The following ZNF236 variants were observed in gnomAD, a reference collection of about 807,000 sequenced individuals.
The protein encoded by ZNF236 is regulated by glucose.
ZNF236 carries 50 observed loss-of-function variants against 191.2 expected under a neutral mutation model. The observed-to-expected ratio is 0.26, with a 90% CI of 0.21 to 0.33. ZNF236 has a LOEUF of 0.33. Ranked by LOEUF, ZNF236 falls within the 10% of genes least tolerant of loss-of-function variation. The probability of loss-of-function intolerance (pLI) is 1.00; values close to 1 mark genes in which losing one functional copy is unlikely to be tolerated. For missense variants in ZNF236, 1,754 were observed against 2,374.5 expected (o/e 0.74, Z 5.43); for synonymous variants, 907 against 928.8 (o/e 0.98, Z 0.43).
chr18:76,869,382 A>C (rs970942161), intron 4 of ZNF236, among the ~76,000 whole-genome samples: 1 of 152,224 alleles, frequency 6.6e-6, no homozygotes, highest in Non-Finnish European at 1.5e-5. Flanking sequence ...GTAGCTTATA[A>C]GTCAGGAGTT....
chr18:76,862,249 T>TC (rs1976260510), intron 3 of ZNF236, among the ~76,000 whole-genome samples: 1 of 152,128 alleles, frequency 6.6e-6, no homozygotes, highest in Non-Finnish European at 1.5e-5. Context: ...AGAAAAACAC[T>TC]CCAAGAAAAG....
intron 27 of ZNF236, among the ~76,000 whole-genome samples, chr18:76,949,626 A>G (rs1439754394): frequency 2.2e-4 from 34 of 151,386 alleles, no homozygotes; most frequent in Non-Finnish European, 2.9e-5. Context: ...TGTTTATACT[A>G]TACTGTAATA....
At chr18:76,910,215 A>G (rs1967181531) in intron 15 of ZNF236, 46 bp downstream of exon 15, 3 of 1,487,068 alleles carry the variant, frequency 2.0e-6, no homozygotes, top group Non-Finnish European at 2.8e-6. Flanking sequence ...GCTATACTTC[A>G]GTTGAATTTA....
chr18:76,966,047 G>A (rs545321823), intron 30 of ZNF236, among the ~76,000 whole-genome samples: 2 of 152,322 alleles, frequency 1.3e-5, no homozygotes, highest in East Asian at 1.9e-4. Context: ...CTCTCCTTGG[G>A]CGGGTCTTGC....
chr18:76,935,859 C>G, intron 25 of ZNF236: 1 of 408,332 alleles, frequency 2.4e-6, no homozygotes, highest in Non-Finnish European at 4.9e-6. Flanking sequence ...CGGGCTCCCA[C>G]CAGCACTCTG....
At chr18:76,917,715 C>G (rs573127046) in intron 19 of ZNF236, among the ~76,000 whole-genome samples, 1 of 152,304 alleles carries the variant, frequency 6.6e-6, no homozygotes, top group South Asian at 2.1e-4. Context: ...CTGTGCTATA[C>G]TGATTGTGTT....
chr18:76,832,105 G>T (rs1434780254), intron 1 of ZNF236, among the ~76,000 whole-genome samples: 2 of 151,780 alleles, frequency 1.3e-5, no homozygotes, highest in Non-Finnish European at 2.9e-5. Flanking sequence ...TTTGAGACAG[G>T]GTCTCGCTCT....
chr18:76,844,710 A>G (rs1409125611), intron 1 of ZNF236, among the ~76,000 whole-genome samples: 2 of 152,208 alleles, frequency 1.3e-5, no homozygotes, highest in African/African-American at 4.8e-5. Flanking sequence ...GGAATGCTAT[A>G]AATGCAATAA....
chr18:76,936,449 C>G (rs980801787), intron 25 of ZNF236: 1 of 455,198 alleles, frequency 2.2e-6, no homozygotes, highest in Admixed American at 2.4e-5. Context: ...AAAGAAAAGC[C>G]CTTTCTTCAC....
At chr18:76,912,171 T>G (rs1389997930) in intron 16 of ZNF236, 73 bp from the exon 17 acceptor site, 16 of 1,140,070 alleles carry the variant, frequency 1.4e-5, no homozygotes, top group African/African-American at 3.1e-5. Context: ...TCCTTAGTTC[T>G]TAGCTGCTCA....
intron 13 of ZNF236, 38 bp downstream of exon 13, chr18:76,905,453 A>T: frequency 6.3e-7 from 1 of 1,592,224 alleles, no homozygotes; most frequent in South Asian, 1.1e-5. Context: ...TATCATCTTT[A>T]TAATTTCCAG....
intron 5 of ZNF236, among the ~76,000 whole-genome samples, chr18:76,872,659 C>T (rs553635887): frequency 7.2e-5 from 11 of 152,278 alleles, no homozygotes; most frequent in Admixed American, 3.9e-4. Flanking sequence ...GCTGAATACT[C>T]TTTGCCATCT....
Position 76,824,217 on chromosome 18 carries a change from G to C in ZNF236, c.55+1555G>C, listed in dbSNP as rs1373098444. 2.3e-5 allele frequency: 17 copies of C among 729,092 alleles called. No individual in the cohort carries two copies. In the Admixed American group the frequency reaches 3.0e-4, roughly 13 times the overall value. The allele number at this position is 729,092 out of a possible 1,614,324, so 45.2% of individuals were successfully genotyped here. A position where few individuals can be genotyped will look rare whatever the true frequency, so the allele number is the denominator to read the frequency against. On this transcript the variant is annotated intron_variant, in intron 1 of 30. Coordinates refer to ENST00000320610, the MANE Select transcript of ZNF236 (RefSeq NM_001306089.2). Reference sequence around the variant, plus strand: ...GTGTTTAGGAAGAAAGAGGTAATGGGTAGGAATCAATGTAAACTTATTCAT... The same window carrying C: ...GTGTTTAGGAAGAAAGAGGTAATGGCTAGGAATCAATGTAAACTTATTCAT...
chr18:76,864,818 T>C (rs1976358730), intron 3 of ZNF236, among the ~76,000 whole-genome samples: 1 of 151,700 alleles, frequency 6.6e-6, no homozygotes, highest in African/African-American at 2.4e-5. Flanking sequence ...TGTGATAAGT[T>C]CCGTATGTAT....
chr18:76,824,500 C>T lies in ZNF236; in HGVS notation c.55+1838C>T. 5 of 778,388 alleles carry T rather than the reference C, an allele frequency of 6.4e-6. No homozygotes were observed. The South Asian group carries it at 6.7e-5, about 10-fold the overall frequency. 48.2% of individuals were successfully genotyped at this position (778,388 alleles called of 1,614,324 possible). On this transcript the variant is annotated intron_variant, in intron 1 of 30. Coordinates refer to ENST00000320610, the MANE Select transcript of ZNF236 (RefSeq NM_001306089.2). ...TTTAAGGAAGTCTTTGTTGCCTCTC[C>T]CGCTTTTGAGTTTTGGCCTTGACCT...
intron 13 of ZNF236, 45 bp from the exon 14 acceptor site, chr18:76,908,275 T>A: frequency 6.3e-7 from 1 of 1,580,702 alleles, no homozygotes; most frequent in South Asian, 1.1e-5. Flanking sequence ...GCAAGTAACC[T>A]TTGACAGCAT....
At chr18:76,822,748 G>A (rs1223830164) in intron 1 of ZNF236, 86 bp downstream of exon 1, 1 of 145,258 alleles carries the variant, frequency 6.9e-6, no homozygotes, top group Non-Finnish European at 1.5e-5. Flanking sequence ...GGCGCGGGGG[G>A]CGCCGGGAGC....
At chr18:76,909,608 T>G (rs910690643) in intron 14 of ZNF236, among the ~76,000 whole-genome samples, 2 of 152,198 alleles carry the variant, frequency 1.3e-5, no homozygotes, top group Non-Finnish European at 2.9e-5. Flanking sequence ...CTGTAGACTG[T>G]GTGATTAGTG....
At chr18:76,937,368 C>A in intron 26 of ZNF236, 25 bp downstream of exon 26, 1 of 1,544,336 alleles carries the variant, frequency 6.5e-7, no homozygotes, top group Non-Finnish European at 8.8e-7. Flanking sequence ...GAGAGGGATG[C>A]GAAGGTCCTT....
Sources: gnomAD v4.1 joint callset for allele counts (sites outside exome capture counted in the v4.1 genomes callset) on GRCh38, gnomAD v4.1.1 for gene constraint, MANE v1.5 for transcripts, NCBI Gene and HGNC (gene_info 2026-07-23, HGNC 2026-07-21) for gene names.